APLF: variants seen among roughly 807,000 people sequenced by gnomAD.
The protein encoded by APLF is aprataxin and PNK-like factor.
In APLF, 61 loss-of-function variants were observed where a neutral mutation model predicts 55.6. That is an observed-to-expected ratio of 1.10 (90% CI 0.89 to 1.36). APLF has a LOEUF of 1.36. Ranked by LOEUF, APLF falls within the 40% of genes most tolerant of loss-of-function variation. The probability of loss-of-function intolerance (pLI) is 0.00; values close to 1 mark genes in which losing one functional copy is unlikely to be tolerated. For synonymous variants in APLF, 207 were observed against 214.8 expected (o/e 0.96, Z 0.32); for missense variants, 611 against 602.5 (o/e 1.01, Z -0.15).
intron 2 of APLF, among the ~76,000 whole-genome samples, chr2:68,494,805 C>T (rs1676488914): frequency 6.6e-6 from 1 of 152,134 alleles, no homozygotes; most frequent in South Asian, 2.1e-4. Flanking sequence ...CTTCCAACTC[C>T]ATCCATGTCC....
chr2:68,517,719 A>G lies in APLF; in HGVS notation c.622+4039A>G, dbSNP rs571755638. 1.4e-4 allele frequency among the ~76,000 whole-genome samples: 20 copies of G among 145,420 alleles called. No individual in the cohort carries two copies. The South Asian group carries it at 4.5e-3, about 32-fold the overall frequency. On this transcript the variant is annotated intron_variant, in intron 5 of 9. Coordinates refer to ENST00000303795, the MANE Select transcript of APLF (RefSeq NM_173545.3). ...TGTAACAATAATATATCACTAATAT[A>G]TGTTAATATATAACTAATATATCAC...
In APLF at chr2:68,538,186, G is replaced by A. The variant is rs768546226; in HGVS notation, c.1119G>A (p.Lys373=). 41 of 1,611,864 alleles carry A rather than the reference G, an allele frequency of 2.5e-5. No homozygotes were observed. Among genetic ancestry groups the A allele is most frequent in the African/African-American group, 4.0e-5 (3 of 74,928 alleles). The change falls in exon 7 of 10, where the codon AAG becomes AAA. Residue 373 remains lysine (K), a synonymous_variant. Coordinates refer to ENST00000303795, the MANE Select transcript of APLF (RefSeq NM_173545.3). ...DSVLQGSEGN[K]VKRTSCMYGA... Reference sequence around the variant, plus strand: ...TTCTACAAGGTTCTGAAGGAAACAAGGTCAAGAGGACATCCTGCATGTATG... The same window carrying A: ...TTCTACAAGGTTCTGAAGGAAACAAAGTCAAGAGGACATCCTGCATGTATG...
chr2:68,543,981 C>CTTTTTT (rs71395974), intron 7 of APLF, among the ~76,000 whole-genome samples: 2 of 128,956 alleles, frequency 1.6e-5, no homozygotes, highest in Non-Finnish European at 3.3e-5. Flanking sequence ...ATTGTATTTT[C>CTTTTTT]TTTTTTTTTT....
chr2:68,490,644 A>C (rs1254714907), intron 2 of APLF, among the ~76,000 whole-genome samples: 1 of 152,154 alleles, frequency 6.6e-6, no homozygotes, highest in South Asian at 2.1e-4. Context: ...ATTCTCTATC[A>C]CTCTGTATAG....
At chr2:68,524,830 C>T (rs914179334) in intron 5 of APLF, among the ~76,000 whole-genome samples, 17 of 152,162 alleles carry the variant, frequency 1.1e-4, no homozygotes, top group Non-Finnish European at 2.4e-4. Flanking sequence ...TTCATGAAGA[C>T]ATCACTCTCG....
intron 5 of APLF, chr2:68,515,572 TTTCCC>T: frequency 1.0e-6 from 1 of 984,300 alleles, no homozygotes; most frequent in South Asian, 4.7e-5. Flanking sequence ...ATACGTTTTC[TTTCCC>T]TTGGTAGATG....
chr2:68,469,600 T>A (rs541336586), intron 1 of APLF, among the ~76,000 whole-genome samples: 1 of 152,308 alleles, frequency 6.6e-6, no homozygotes, highest in East Asian at 1.9e-4. Flanking sequence ...ATCCTAAGTG[T>A]GTTAAAGGAA....
chr2:68,525,298 TA>T (rs1214165262), intron 5 of APLF, among the ~76,000 whole-genome samples: 1,446 of 142,900 alleles, frequency 0.01, 17 homozygotes, highest in African/African-American at 0.028. Context: ...TCTGTCTCAT[TA>T]AAAAAAAAAA....
chr2:68,492,477 C>T (rs1490872227), intron 2 of APLF, among the ~76,000 whole-genome samples: 1 of 151,552 alleles, frequency 6.6e-6, no homozygotes, highest in Admixed American at 6.6e-5. Flanking sequence ...GACTCCGCCT[C>T]AAAAAACAAA....
Position 68,538,053 on chromosome 2 carries a change from C to G in APLF, c.986C>G (p.Ser329Trp). 6.2e-7 allele frequency: 1 copy of G among 1,614,116 alleles called. No individual in the cohort carries two copies. Among genetic ancestry groups the G allele is most frequent in the Non-Finnish European group, 8.5e-7 (1 of 1,180,008 alleles). ...DEAMSCSENC[S>W]SAQGDSLQDE... The stretch of plus-strand genomic sequence containing the variant: ...GCAATGAGCTGTTCTGAAAATTGTT[C>G]GAGTGCCCAGGGCGACTCACTTCAG... Residue 329 changes from serine to tryptophan, a missense_variant, in exon 7 of 10, where the codon TCG (serine) becomes TGG (tryptophan). Ser to Trp is a radical substitution (Grantham distance 177). Coordinates refer to ENST00000303795, the MANE Select transcript of APLF (RefSeq NM_173545.3).
At chr2:68,568,522 C>G (rs2104070942) in intron 9 of APLF, among the ~76,000 whole-genome samples, 1 of 152,208 alleles carries the variant, frequency 6.6e-6, no homozygotes, top group East Asian at 1.9e-4. Flanking sequence ...GTGGTCATAT[C>G]TCATGGTGTG....
At chr2:68,484,838 A>C (rs1558528004) in intron 1 of APLF, among the ~76,000 whole-genome samples, 1 of 152,180 alleles carries the variant, frequency 6.6e-6, no homozygotes, top group Non-Finnish European at 1.5e-5. Flanking sequence ...CTCTAAAAAA[A>C]AAAATAAATA....
intron 6 of APLF, among the ~76,000 whole-genome samples, chr2:68,530,846 T>C (rs1299511406): frequency 2.0e-5 from 3 of 151,982 alleles, no homozygotes; most frequent in Non-Finnish European, 4.4e-5. Flanking sequence ...AAACCATCTA[T>C]ATTCAAAGAT....
Position 68,467,760 on chromosome 2 carries a change from G to T in APLF, c.29G>T (p.Arg10Leu), listed in dbSNP as rs1324096801. The change falls in exon 1 of 10, where the codon CGG becomes CTG. Residue 10 changes from arginine to leucine, a missense_variant. Physicochemically the swap from Arg to Leu is moderately radical, Grantham distance 102. Coordinates refer to ENST00000303795, the MANE Select transcript of APLF (RefSeq NM_173545.3). ...TCCGGGGGCTTCGAGCTGCAGCCGC[G>T]GGACGGCGGTCCCCGGGTGGCCCTG... The part of the protein sequence containing the change: MSGGFELQP[R>L]DGGPRVALAP... The T allele has an allele frequency of 5.7e-6, 7 of 1,234,616 alleles. No individual in the cohort carries two copies. The Admixed American group carries it at 1.3e-4, about 22-fold the overall frequency. 76.5% of individuals were successfully genotyped at this position (1,234,616 alleles called of 1,614,324 possible).
intron 9 of APLF, 107 bp downstream of exon 9, chr2:68,567,494 G>C: frequency 1.2e-6 from 1 of 820,500 alleles, no homozygotes; most frequent in East Asian, 2.9e-5. Context: ...CTGCTTCTGT[G>C]AATTTGTTGA....
intron 8 of APLF, among the ~76,000 whole-genome samples, chr2:68,565,514 G>GATAGATAGATACATACATACATAC (rs60590885): frequency 4.0e-5 from 6 of 148,922 alleles, no homozygotes; most frequent in African/African-American, 1.5e-4. Flanking sequence ...TAGACAGATA[G>GATAGATAGATACATACATACATAC]ATACATACAT....
Position 68,580,027 on chromosome 2 carries a change from A to C in APLF, c.*2005A>C. On this transcript the variant is annotated 3_prime_UTR_variant, in exon 10 of 10. Coordinates refer to ENST00000303795, the MANE Select transcript of APLF (RefSeq NM_173545.3). ...TAGAAGGAAAAAAATATTTAATATC[A>C]AAGGATATTCTTCGTAGTAATGTAA... 1.1e-6 allele frequency: 1 copy of C among 905,760 alleles called. No individual in the cohort carries two copies. The highest frequency in any genetic ancestry group is 1.3e-6 in the Non-Finnish European group (1 of 757,348). 56.1% of individuals were successfully genotyped at this position (905,760 alleles called of 1,614,324 possible).
chr2:68,507,893 A>G (rs1676915306), intron 3 of APLF, among the ~76,000 whole-genome samples: 1 of 151,728 alleles, frequency 6.6e-6, no homozygotes, highest in Admixed American at 6.6e-5. Flanking sequence ...TTTTTTTCAA[A>G]TTGTTGAAAA....
chr2:68,547,103 G>A (rs1246121192), intron 8 of APLF, among the ~76,000 whole-genome samples: 6 of 151,496 alleles, frequency 4.0e-5, no homozygotes, highest in South Asian at 2.1e-4. Context: ...AGCATTAACC[G>A]GTAAGAAAAT....
Sources: gnomAD v4.1 joint callset for allele counts (sites outside exome capture counted in the v4.1 genomes callset) on GRCh38, gnomAD v4.1.1 for gene constraint, MANE v1.5 for transcripts, NCBI Gene and HGNC (gene_info 2026-07-23, HGNC 2026-07-21) for gene names.